The following USP12 variants were observed in gnomAD, a reference collection of about 807,000 sequenced individuals.
The protein encoded by USP12 is ubiquitin specific peptidase 12, also known as ubiquitin carboxyl-terminal hydrolase 12.
USP12 carries 19 observed loss-of-function variants against 45.5 expected under a neutral mutation model. The observed-to-expected ratio is 0.42, with a 90% CI of 0.29 to 0.61. The LOEUF (loss-of-function observed/expected upper bound fraction) is 0.61, where lower values mean the gene tolerates loss of function less well. Among genes scored for constraint, USP12 ranks in the 20% least tolerant of loss-of-function variants. USP12 has a pLI of 0.22. For synonymous variants in USP12, 149 were observed against 148.8 expected (o/e 1.00, Z -0.01); for missense variants, 242 against 447.7 (o/e 0.54, Z 4.15).
In USP12 at chr13:27,129,229, G is replaced by A. The variant is rs1396765434; in HGVS notation, c.49-12633C>T. Among the ~76,000 whole-genome samples the A allele has an allele frequency of 2.9e-5, 2 of 68,778 alleles. No homozygotes were observed. The highest frequency in any genetic ancestry group is 5.5e-4 in the East Asian group (1 of 1,834). The allele number at this position is 68,778 out of a possible 152,430, so 45.1% of individuals were successfully genotyped here. A position where few individuals can be genotyped will look rare whatever the true frequency, so the allele number is the denominator to read the frequency against. On this transcript the variant is annotated intron_variant, in intron 1 of 8. Coordinates refer to ENST00000282344, the MANE Select transcript of USP12 (RefSeq NM_182488.4). The surrounding 1 kb of genome is among the most constrained non-coding windows in gnomAD (Gnocchi z 4.0). The stretch of plus-strand genomic sequence containing the variant: ...GAATATTATATTAAACCACAGTTAA[G>A]TGGAAAGAACAAAGCAGCATCTCTG...
intron 1 of USP12, among the ~76,000 whole-genome samples, chr13:27,168,077 A>G (rs1206858527): frequency 1.5e-4 from 23 of 152,206 alleles, no homozygotes; most frequent in Non-Finnish European, 3.4e-4. Flanking sequence ...TGTGCTAGGC[A>G]CAGGCTTTCT....
chr13:27,151,259 A>G (rs2137831552), intron 1 of USP12, among the ~76,000 whole-genome samples: 1 of 152,210 alleles, frequency 6.6e-6, no homozygotes, highest in South Asian at 2.1e-4. Context: ...TGAACACGGG[A>G]GGTGGAGGTT....
At chr13:27,075,410 AC>A (rs751416921) in intron 6 of USP12, 22 bp from the exon 7 acceptor site, 5 of 1,581,998 alleles carry the variant, frequency 3.2e-6, no homozygotes, top group Non-Finnish European at 3.5e-6. Flanking sequence ...AAAAATGAAA[AC>A]AAAATTTCAT....
intron 6 of USP12, among the ~76,000 whole-genome samples, chr13:27,087,440 G>C (rs916132205): frequency 6.6e-6 from 1 of 152,172 alleles, no homozygotes; most frequent in Non-Finnish European, 1.5e-5. Context: ...TGTGGTGGTG[G>C]CTACAAGATT....
At chr13:27,136,941 G>A (rs1390265186) in intron 1 of USP12, among the ~76,000 whole-genome samples, 1 of 152,162 alleles carries the variant, frequency 6.6e-6, no homozygotes, top group Non-Finnish European at 1.5e-5. Context: ...AGCATGATAG[G>A]TGCTTGGGGG....
intron 3 of USP12, among the ~76,000 whole-genome samples, chr13:27,100,400 A>G (rs1031396172): frequency 6.6e-6 from 1 of 152,116 alleles, no homozygotes; most frequent in African/African-American, 2.4e-5. Flanking sequence ...TCGCCTTATC[A>G]ACCTTTGGCA....
At chr13:27,086,187 A>T (rs866090564) in intron 6 of USP12, among the ~76,000 whole-genome samples, 6,314 of 72,004 alleles carry the variant, frequency 0.088, 379 homozygotes, top group Non-Finnish European at 0.12. Flanking sequence ...AAAAAAAAAA[A>T]AAAAAAAAAA....
At chr13:27,091,460 G>A (rs73497364) in intron 4 of USP12, among the ~76,000 whole-genome samples, 3,516 of 152,238 alleles carry the variant, frequency 0.023, 51 homozygotes, top group African/African-American at 0.039. Context: ...GAGTTACTAC[G>A]TTTATATTTG....
Position 27,095,829 on chromosome 13 carries a change from CT to C in USP12, c.344del (p.Glu115GlyfsTer15). 1 of 1,578,284 alleles carries C rather than the reference CT, an allele frequency of 6.3e-7. No homozygotes were observed. ...KFITRLRKEN[E>X]LFDNYMQQDA... ...CTTGTTGCATGTAGTTGTCAAAAAGCTCTGAAAATAAAAACATTATATTAGA... is the reference window on the plus strand; with the variant it reads ...CTTGTTGCATGTAGTTGTCAAAAAGCCTGAAAATAAAAACATTATATTAGA... On this transcript the variant is annotated frameshift_variant and splice_region_variant, in exon 4 of 9. Coordinates refer to ENST00000282344, the MANE Select transcript of USP12 (RefSeq NM_182488.4). LOFTEE classifies it high-confidence loss of function.
intron 1 of USP12, among the ~76,000 whole-genome samples, chr13:27,169,365 A>G (rs1878484530): frequency 6.6e-6 from 1 of 152,148 alleles, no homozygotes; most frequent in Admixed American, 6.5e-5. Context: ...AAGCCTAGCA[A>G]AACAGCACCT....
At chr13:27,136,366 C>T (rs535678495) in intron 1 of USP12, among the ~76,000 whole-genome samples, 161 of 152,186 alleles carry the variant, frequency 1.1e-3, no homozygotes, top group African/African-American at 3.6e-3. Context: ...GGCATGGTGG[C>T]GCATGCCTGT....
chr13:27,075,267 G>A lies in USP12; in HGVS notation c.856C>T (p.Leu286=). ...YRVVFPLELR[L]FNTSGDATNP... is the part of the protein sequence containing the mutation. ...GTGGCATCACCTGAAGTGTTAAACAGACGAAGTTCTAAAGGAAAAACTACC... is the reference window on the plus strand; with the variant it reads ...GTGGCATCACCTGAAGTGTTAAACAAACGAAGTTCTAAAGGAAAAACTACC... Residue 286 remains leucine (L), a synonymous_variant, in exon 7 of 9, where the codon CTG becomes TTG. Coordinates refer to ENST00000282344, the MANE Select transcript of USP12 (RefSeq NM_182488.4). 1.9e-6 allele frequency: 3 copies of A among 1,614,088 alleles called. No homozygotes were observed. Among genetic ancestry groups the A allele is most frequent in the Non-Finnish European group, 2.5e-6 (3 of 1,179,964 alleles).
chr13:27,155,066 C>CTTTTTTTTTTTTTTTTTTTT (rs71083634), intron 1 of USP12, among the ~76,000 whole-genome samples: 1 of 57,614 alleles, frequency 1.7e-5, no homozygotes, highest in African/African-American at 8.3e-5. Flanking sequence ...ATGTCCACAA[C>CTTTTTTTTTTTTTTTTTTTT]TTTTTTTTTT....
intron 1 of USP12, among the ~76,000 whole-genome samples, chr13:27,135,160 G>A (rs1042235160): frequency 3.9e-5 from 6 of 151,986 alleles, no homozygotes; most frequent in South Asian, 2.1e-4. Context: ...GGTGGAGTGC[G>A]TCTGTAGTCC....
chr13:27,133,913 C>T (rs1310008044), intron 1 of USP12, among the ~76,000 whole-genome samples: 2 of 152,312 alleles, frequency 1.3e-5, no homozygotes, highest in East Asian at 1.9e-4. Context: ...AATAGGATCA[C>T]GTGAGCCCAG....
chr13:27,138,469 T>G (rs1336088384), intron 1 of USP12, among the ~76,000 whole-genome samples: 1 of 152,186 alleles, frequency 6.6e-6, no homozygotes, highest in Non-Finnish European at 1.5e-5. Context: ...AAACACCTTT[T>G]ATAGAGCAAG....
At chr13:27,109,771 G>A (rs960213527) in intron 2 of USP12, among the ~76,000 whole-genome samples, 4 of 151,638 alleles carry the variant, frequency 2.6e-5, no homozygotes, top group African/African-American at 7.3e-5. Flanking sequence ...AAAACTAGCC[G>A]GGCGTTTTAC....
rs117496904 is a variant in USP12 at position 27,095,339 on chromosome 13, T to C, written c.573+262A>G. On this transcript the variant is annotated intron_variant, in intron 4 of 8. Coordinates refer to ENST00000282344, the MANE Select transcript of USP12 (RefSeq NM_182488.4). ...ATAAGACATAATTTCCACAACATGGTTCTATGGCCTCCTAAACTGAAAGAA... is the reference window on the plus strand; with the variant it reads ...ATAAGACATAATTTCCACAACATGGCTCTATGGCCTCCTAAACTGAAAGAA... Among the ~76,000 whole-genome samples the C allele has an allele frequency of 7.9e-3, 1,203 of 152,250 alleles. 4 individuals carry two copies. The highest frequency in any genetic ancestry group is 0.014 in the Non-Finnish European group (940 of 67,986).
chr13:27,123,541 T>C (rs533504271), intron 1 of USP12, among the ~76,000 whole-genome samples: 25 of 152,276 alleles, frequency 1.6e-4, no homozygotes, highest in Non-Finnish European at 3.2e-4. Context: ...GAATTGTAGC[T>C]CTCATAATTC....
Sources: gnomAD v4.1 joint callset for allele counts (sites outside exome capture counted in the v4.1 genomes callset) on GRCh38, gnomAD v4.1.1 for gene constraint, Gnocchi (gnomAD v3.1) non-coding constraint, MANE v1.5 for transcripts, NCBI Gene and HGNC (gene_info 2026-07-23, HGNC 2026-07-21) for gene names.